The following PIK3C2A variants were observed in gnomAD, a reference collection of about 807,000 sequenced individuals.
The protein encoded by PIK3C2A is phosphatidylinositol-4-phosphate 3-kinase catalytic subunit type 2 alpha, also known as phosphatidylinositol 4-phosphate 3-kinase C2 domain-containing subunit alpha.
In PIK3C2A, 97 loss-of-function variants were observed where a neutral mutation model predicts 204.5. That is an observed-to-expected ratio of 0.47 (90% CI 0.40 to 0.56). The LOEUF (loss-of-function observed/expected upper bound fraction) is 0.56, where lower values mean the gene tolerates loss of function less well. Among genes scored for constraint, PIK3C2A ranks in the 20% least tolerant of loss-of-function variants. PIK3C2A has a pLI of 0.00. For missense variants in PIK3C2A, 1,735 were observed against 1,969.2 expected, an observed-to-expected ratio of 0.88 and a Z score of 2.25; for synonymous variants, 653 against 664.4, an observed-to-expected ratio of 0.98 and a Z score of 0.26.
chr11:17,118,220 T>G (rs1423640474), intron 18 of PIK3C2A, among the ~76,000 whole-genome samples: 1 of 151,896 alleles, frequency 6.6e-6, no homozygotes, highest in Non-Finnish European at 1.5e-5. Flanking sequence ...CACAGGCACA[T>G]GCCACCATGT....
chr11:17,094,104 T>A (rs779315079), intron 28 of PIK3C2A, among the ~76,000 whole-genome samples, 157 bp downstream of exon 28: 9 of 152,250 alleles, frequency 5.9e-5, no homozygotes, highest in Non-Finnish European at 1.0e-4. Context: ...GTTCCTTGTT[T>A]ATGTCTGCTT....
Position 17,202,831 on chromosome 11 carries a change from T to G in PIK3C2A, c.-66+5017A>C, listed in dbSNP as rs72632990. 0.024 allele frequency among the ~76,000 whole-genome samples: 3,717 copies of G among 152,256 alleles called. 537 individuals are homozygous for G. In the East Asian group the frequency reaches 0.42, roughly 17 times the overall value. ...TCTTGTCTAAAATTAGCCACTAGTG[T>G]TTTTTAACCAAGCTCAGTGCACAGC... On this transcript the variant is annotated intron_variant, in intron 1 of 32. Coordinates refer to ENST00000691414, the MANE Select transcript of PIK3C2A (RefSeq NM_002645.4).
chr11:17,139,491 T>C (rs1423939191), intron 8 of PIK3C2A, among the ~76,000 whole-genome samples: 2 of 152,184 alleles, frequency 1.3e-5, no homozygotes, highest in African/African-American at 4.8e-5. Flanking sequence ...CCTAAAGTGC[T>C]AGGATTACAG....
chr11:17,172,572 G>T (rs928892626), intron 1 of PIK3C2A, among the ~76,000 whole-genome samples: 1 of 152,168 alleles, frequency 6.6e-6, no homozygotes, highest in African/African-American at 2.4e-5. Context: ...ATAGATAACT[G>T]ATAAACTTTT....
At chr11:17,112,178 G>A (rs1355186854) in intron 21 of PIK3C2A, among the ~76,000 whole-genome samples, 1 of 152,020 alleles carries the variant, frequency 6.6e-6, no homozygotes, top group Non-Finnish European at 1.5e-5. Flanking sequence ...TTGGCTGGGC[G>A]CGATGGCTCA....
chr11:17,096,145 T>C (rs1848449877), intron 27 of PIK3C2A, among the ~76,000 whole-genome samples: 1 of 151,870 alleles, frequency 6.6e-6, no homozygotes, highest in Non-Finnish European at 1.5e-5. Flanking sequence ...TTCAAGCGAT[T>C]CTCCTGCCTC....
intron 21 of PIK3C2A, among the ~76,000 whole-genome samples, chr11:17,110,998 C>T (rs1187314076): frequency 1.3e-5 from 2 of 152,078 alleles, no homozygotes; most frequent in East Asian, 1.9e-4. Flanking sequence ...ATCTCCGCCT[C>T]CTAGGTTCAA....
intron 26 of PIK3C2A, among the ~76,000 whole-genome samples, chr11:17,099,325 C>G (rs1848548787): frequency 6.6e-6 from 1 of 152,200 alleles, no homozygotes; most frequent in African/African-American, 2.4e-5. Context: ...CACCAAAGGT[C>G]TCCATGGAAA....
intron 12 of PIK3C2A, among the ~76,000 whole-genome samples, chr11:17,130,814 A>AT (rs1401945981): frequency 6.6e-6 from 1 of 151,708 alleles, no homozygotes; most frequent in East Asian, 1.9e-4. Context: ...CTCAAAAAAA[A>AT]AAAAAAAAGA....
chr11:17,206,515 A>T (rs910795223), intron 1 of PIK3C2A, among the ~76,000 whole-genome samples: 5 of 142,858 alleles, frequency 3.5e-5, no homozygotes, highest in African/African-American at 5.1e-5. Context: ...GATCAAATTT[A>T]AAAAAAAAAA....
chr11:17,196,043 GA>G (rs1852142741), intron 1 of PIK3C2A, among the ~76,000 whole-genome samples: 1 of 149,992 alleles, frequency 6.7e-6, no homozygotes, highest in African/African-American at 2.5e-5. Context: ...CATCTCGAAA[GA>G]AAAAAAGAAA....
intron 13 of PIK3C2A, among the ~76,000 whole-genome samples, chr11:17,123,998 A>T (rs888435115): frequency 6.6e-6 from 1 of 152,140 alleles, no homozygotes; most frequent in Non-Finnish European, 1.5e-5. Flanking sequence ...TTTTCTCTTG[A>T]CAAACAGGCT....
At chr11:17,179,986 C>T (rs1015277073) in intron 1 of PIK3C2A, among the ~76,000 whole-genome samples, 4 of 152,082 alleles carry the variant, frequency 2.6e-5, no homozygotes, top group African/African-American at 9.7e-5. Context: ...TAAAGGCCTC[C>T]TAATATGACT....
intron 1 of PIK3C2A, among the ~76,000 whole-genome samples, chr11:17,192,810 C>G (rs986289475): frequency 6.6e-6 from 1 of 152,238 alleles, no homozygotes; most frequent in African/African-American, 2.4e-5. Context: ...CAGTATTTGA[C>G]TTTAAACATT....
At chr11:17,140,197 T>C (rs1257328283) in intron 8 of PIK3C2A, among the ~76,000 whole-genome samples, 1 of 152,136 alleles carries the variant, frequency 6.6e-6, no homozygotes, top group Non-Finnish European at 1.5e-5. Context: ...GGAGGATCTC[T>C]TGAGCCCAGG....
intron 23 of PIK3C2A, 106 bp from the exon 24 acceptor site, chr11:17,102,937 T>C: frequency 1.5e-6 from 1 of 688,434 alleles, no homozygotes; most frequent in Non-Finnish European, 2.4e-6. Context: ...ACTATTGTAA[T>C]CCACTCTCTC....
chr11:17,200,167 C>A (rs1852317333), intron 1 of PIK3C2A, among the ~76,000 whole-genome samples: 2 of 149,520 alleles, frequency 1.3e-5, no homozygotes, highest in African/African-American at 2.4e-5. Context: ...GCCTGGGCGA[C>A]AGAGCGAGAC....
At chr11:17,174,962 T>A (rs1462996414) in intron 1 of PIK3C2A, among the ~76,000 whole-genome samples, 1 of 152,204 alleles carries the variant, frequency 6.6e-6, no homozygotes, top group Non-Finnish European at 1.5e-5. Flanking sequence ...AAAGGCTACG[T>A]AGATATAATT....
At chr11:17,160,371 G>T (rs1850735101) in intron 2 of PIK3C2A, among the ~76,000 whole-genome samples, 1 of 152,178 alleles carries the variant, frequency 6.6e-6, no homozygotes, top group Non-Finnish European at 1.5e-5. Context: ...TTTACCCAGG[G>T]CAACAGAAGT....
Sources: allele counts gnomAD v4.1 joint callset (sites outside exome capture counted in the v4.1 genomes callset), GRCh38; gene constraint gnomAD v4.1.1; transcripts MANE v1.5; gene names NCBI Gene and HGNC (gene_info 2026-07-23, HGNC 2026-07-21).